DAB2: variants seen among roughly 807,000 people sequenced by gnomAD.
The protein encoded by DAB2 is disabled homolog 2.
Under a neutral mutation model 71.6 loss-of-function variants are expected in DAB2, and 28 were observed. That is an observed-to-expected ratio of 0.39 (90% CI 0.29 to 0.54). The LOEUF (loss-of-function observed/expected upper bound fraction) is 0.54. Among genes scored for constraint, DAB2 ranks in the 20% least tolerant of loss-of-function variants. The probability of loss-of-function intolerance (pLI) is 0.68; values close to 1 mark genes in which losing one functional copy is unlikely to be tolerated. For missense variants in DAB2, 867 were observed against 928.8 expected (o/e 0.93, Z 0.86); for synonymous variants, 345 against 339.7 (o/e 1.02, Z -0.17).
intron 12 of DAB2, 126 bp downstream of exon 12, chr5:39,376,524 A>G: frequency 8.7e-7 from 1 of 1,143,508 alleles, no homozygotes; most frequent in Admixed American, 2.1e-5. Context: ...GTAACCCTTG[A>G]TTACCAACAG....
chr5:39,377,640 G>A (rs539923789), intron 11 of DAB2, among the ~76,000 whole-genome samples: 1 of 152,272 alleles, frequency 6.6e-6, no homozygotes, highest in South Asian at 2.1e-4. Flanking sequence ...AACAGAGCCT[G>A]TTAATAGCAG....
intron 6 of DAB2, among the ~76,000 whole-genome samples, chr5:39,389,505 G>A (rs958828356): frequency 2.0e-5 from 3 of 152,130 alleles, no homozygotes; most frequent in African/African-American, 7.2e-5. Flanking sequence ...ATAGTCCTGA[G>A]TACAGTTTTA....
chr5:39,406,198 A>G (rs1052846135), intron 1 of DAB2, among the ~76,000 whole-genome samples: 1 of 152,152 alleles, frequency 6.6e-6, no homozygotes, highest in Non-Finnish European at 1.5e-5. Context: ...AGTCTTAACT[A>G]AAGACCTGGC....
intron 4 of DAB2, among the ~76,000 whole-genome samples, chr5:39,391,861 G>C (rs1285437822): frequency 6.6e-6 from 1 of 151,578 alleles, no homozygotes; most frequent in Admixed American, 6.6e-5. Context: ...TGTGTTATGG[G>C]TGAGGTTCTA....
Position 39,376,952 on chromosome 5 carries a change from T to C in DAB2, c.1835A>G (p.His612Arg). The part of the protein sequence containing the change: ...PAVSTQPPSM[H>R]SSLLVTPPQP... ...AGGAGGAGTGACCAGGAGAGAGGAG[T>C]GCATGGATGGGGGCTGAGTGGACAC... The change falls in exon 12 of 15, where the codon CAC (histidine) becomes CGC (arginine). Residue 612 changes from histidine to arginine, a missense_variant. By Grantham distance (29) the His-to-Arg change is conservative. Around this residue, in one of 2 missense-constraint regions of DAB2, gnomAD observed 740 missense variants for 734.3 expected, o/e 1.01. Coordinates refer to ENST00000320816, the MANE Select transcript of DAB2 (RefSeq NM_001343.4). 1.9e-6 allele frequency: 3 copies of C among 1,612,872 alleles called. No homozygotes were observed. The highest frequency in any genetic ancestry group is 2.5e-6 in the Non-Finnish European group (3 of 1,179,704).
chr5:39,392,252 A>AT, intron 4 of DAB2, 113 bp downstream of exon 4: 1 of 759,412 alleles, frequency 1.3e-6, no homozygotes, highest in Non-Finnish European at 2.4e-6. Flanking sequence ...AATATATGAT[A>AT]TATTTGTTCC....
chr5:39,376,248 GTA>G (rs1754825878), intron 12 of DAB2, 142 bp from the exon 13 acceptor site: 1 of 640,224 alleles, frequency 1.6e-6, no homozygotes, highest in Non-Finnish European at 2.7e-6. Context: ...CAAATACTAG[GTA>G]CCCCAATAAT....
At chr5:39,398,144 T>C (rs568664528) in intron 1 of DAB2, among the ~76,000 whole-genome samples, 1 of 152,344 alleles carries the variant, frequency 6.6e-6, no homozygotes, top group East Asian at 1.9e-4. Context: ...CTCATTAAAT[T>C]TGGCAATTTG....
intron 1 of DAB2, among the ~76,000 whole-genome samples, chr5:39,405,205 T>C (rs1288011958): frequency 6.6e-6 from 1 of 152,250 alleles, no homozygotes; most frequent in East Asian, 1.9e-4. Flanking sequence ...TGTCAGAATG[T>C]CCTTTTGGTC....
At position 39,394,411 on chromosome 5, in the gene DAB2, C is replaced by T; in HGVS notation, c.-91G>A. 1.1e-6 allele frequency: 1 copy of T among 928,464 alleles called. No individual in the cohort carries two copies. Among genetic ancestry groups the T allele is most frequent in the Non-Finnish European group, 1.8e-6 (1 of 561,060 alleles). 57.5% of individuals were successfully genotyped at this position (928,464 alleles called of 1,614,324 possible). On this transcript the variant is annotated 5_prime_UTR_variant, in exon 2 of 15. Coordinates refer to ENST00000320816, the MANE Select transcript of DAB2 (RefSeq NM_001343.4). ...GAGAAGTCTCAAATAAACATAACCT[C>T]CCACAGACACCTGTAGGCAGAGTTT...
At chr5:39,401,731 T>TTATTTATC (rs1755502368) in intron 1 of DAB2, among the ~76,000 whole-genome samples, 1 of 3,312 alleles carries the variant, frequency 3.0e-4, no homozygotes. Context: ...TGAGACTGGG[T>TTATTTATC]TATTTATTTA....
intron 1 of DAB2, among the ~76,000 whole-genome samples, chr5:39,404,131 G>T (rs538485086): frequency 1.1e-4 from 17 of 151,314 alleles, no homozygotes; most frequent in African/African-American, 3.6e-4. Context: ...TAATCCTTTG[G>T]GTATATACCC....
chr5:39,403,295 G>A (rs1755541887), intron 1 of DAB2, among the ~76,000 whole-genome samples: 2 of 152,148 alleles, frequency 1.3e-5, no homozygotes, highest in Admixed American at 1.3e-4. Flanking sequence ...CACCAGGAAA[G>A]ATCTAGCATG....
At chr5:39,421,688 C>T (rs1462651711) in intron 1 of DAB2, among the ~76,000 whole-genome samples, 3 of 152,034 alleles carry the variant, frequency 2.0e-5, no homozygotes, top group Non-Finnish European at 4.4e-5. Flanking sequence ...TTCTGATTTC[C>T]ACCAGTTAAT....
chr5:39,424,076 CAG>C (rs1163906060), intron 1 of DAB2, among the ~76,000 whole-genome samples: 1 of 152,122 alleles, frequency 6.6e-6, no homozygotes, highest in East Asian at 1.9e-4. Context: ...AAACAAATAA[CAG>C]AGTCAGCTCT....
At position 39,390,578 on chromosome 5, in the gene DAB2, T is replaced by TA; in HGVS notation, c.331-4dup. On this transcript the variant is annotated splice_region_variant and splice_polypyrimidine_tract_variant and intron_variant, in intron 4 of 14. Transcript: ENST00000320816. ...ACTGGATGTTCATGCTCTATTACCT[T>TA]AAAAAAGAACATAAAGAGTAATTTA... The TA allele has an allele frequency of 6.2e-7, 1 of 1,603,048 alleles. No individual in the cohort carries two copies. The highest frequency in any genetic ancestry group is 8.5e-7 in the Non-Finnish European group (1 of 1,173,560).
At chr5:39,400,818 A>T (rs1755479908) in intron 1 of DAB2, among the ~76,000 whole-genome samples, 4 of 152,114 alleles carry the variant, frequency 2.6e-5, no homozygotes, top group Admixed American at 2.6e-4. Context: ...AAGCAACATA[A>T]ACATATTTGT....
intron 9 of DAB2, 41 bp downstream of exon 9, chr5:39,388,264 T>A: frequency 3.5e-6 from 5 of 1,427,642 alleles, no homozygotes; most frequent in Non-Finnish European, 4.9e-6. Flanking sequence ...GAGTTATAGA[T>A]GTCATTTTAT....
At chr5:39,415,053 C>T (rs750536934) in intron 1 of DAB2, among the ~76,000 whole-genome samples, 2 of 152,004 alleles carry the variant, frequency 1.3e-5, no homozygotes, top group Non-Finnish European at 2.9e-5. Flanking sequence ...AGCTTCATTG[C>T]TGTTAATAAT....
Sources: gnomAD v4.1 joint callset for allele counts (sites outside exome capture counted in the v4.1 genomes callset) on GRCh38, gnomAD v4.1.1 for gene constraint, gnomAD v4.1.1 regional missense constraint, MANE v1.5 for transcripts, NCBI Gene and HGNC (gene_info 2026-07-23, HGNC 2026-07-21) for gene names.